Variants in SLC6A18 observed in about 807,000 individuals in gnomAD.
SLC6A18 encodes inactive sodium-dependent neutral amino acid transporter B(0)AT3.
In SLC6A18, 58 loss-of-function variants were observed where a neutral mutation model predicts 62.9. The observed-to-expected ratio is 0.92, with a 90% CI of 0.75 to 1.15. The LOEUF (loss-of-function observed/expected upper bound fraction) is 1.15. Among genes scored for constraint, SLC6A18 ranks in the 50% most tolerant of loss-of-function variants. SLC6A18 has a pLI of 0.00. For synonymous variants in SLC6A18, 382 were observed against 365.8 expected (o/e 1.04, Z -0.51); for missense variants, 793 against 836.6 (o/e 0.95, Z 0.64).
In SLC6A18 at chr5:1,243,664, G is replaced by T; in HGVS notation, c.1241G>T (p.Gly414Val). 1 of 1,614,088 alleles carries T rather than the reference G, an allele frequency of 6.2e-7. No homozygotes were observed. Among genetic ancestry groups the T allele is most frequent in the Non-Finnish European group, 8.5e-7 (1 of 1,179,984 alleles). The change falls in exon 9 of 12, where the codon GGG becomes GTG. Residue 414 changes from glycine (G) to valine (V), a missense_variant. By Grantham distance (109) the Gly-to-Val change is moderately radical. Coordinates refer to ENST00000324642, the MANE Select transcript of SLC6A18 (RefSeq NM_182632.3). This position sits in a 1 kb window ranked among gnomAD's most constrained non-coding sequence, Gnocchi z 6.5. ...TTCTTCGGGATGCTGTTCACCTTGG[G>T]GCTATCGACCATGTTCGGGACCGTG... is the stretch of plus-strand genomic sequence containing the variant. ...MLFFGMLFTLGLSTMFGTVEA... is the reference protein window; with the variant it reads ...MLFFGMLFTLVLSTMFGTVEA...
At chr5:1,238,356 G>C (rs1301944308) in intron 5 of SLC6A18, among the ~76,000 whole-genome samples, 44 of 109,186 alleles carry the variant, frequency 4.0e-4, no homozygotes, top group East Asian at 1.1e-3. Context: ...TCAGGAAAGA[G>C]GTCAGGTTTG....
chr5:1,238,178 G>A (rs1746935023), intron 5 of SLC6A18, 118 bp downstream of exon 5: 1 of 808,648 alleles, frequency 1.2e-6, no homozygotes, highest in Non-Finnish European at 2.1e-6. Context: ...CAGCAGCTGG[G>A]CTGCCTGGTG....
chr5:1,245,343 GCC>G (rs1747191050), intron 11 of SLC6A18, among the ~76,000 whole-genome samples: 3 of 152,144 alleles, frequency 2.0e-5, no homozygotes, highest in Admixed American at 6.6e-5. Context: ...CCCACTGGTG[GCC>G]GCTCAAAACC....
intron 4 of SLC6A18, 85 bp downstream of exon 4, chr5:1,235,747 C>T (rs1746868734): frequency 7.2e-7 from 1 of 1,397,858 alleles, no homozygotes; most frequent in African/African-American, 1.4e-5. Context: ...CGCTTTGTGT[C>T]TACAAGCTCT....
At chr5:1,245,741 C>A in intron 11 of SLC6A18, 107 bp from the exon 12 acceptor site, 8 of 1,226,414 alleles carry the variant, frequency 6.5e-6, no homozygotes, top group Non-Finnish European at 8.9e-6. Flanking sequence ...CATTCCCATC[C>A]AAGTCCGGGT....
rs530959380 is a variant in SLC6A18 at position 1,228,733 on chromosome 5, G to A, written c.160+3096G>A. Among the ~76,000 whole-genome samples, 7 of 152,338 alleles carry A rather than the reference G, an allele frequency of 4.6e-5. No individual in the cohort carries two copies. The South Asian group carries it at 1.0e-3, about 23-fold the overall frequency. On this transcript the variant is annotated intron_variant, in intron 1 of 11. Transcript: ENST00000324642. ...TAAAAAATATAAAAATTAGCCGGGC[G>A]TGCTGGCGTCTACTTGTAGCCCTGG...
At chr5:1,245,806 C>A (rs915959401) in intron 11 of SLC6A18, 42 bp from the exon 12 acceptor site, 104 of 1,566,192 alleles carry the variant, frequency 6.6e-5, no homozygotes, top group Non-Finnish European at 8.9e-5. Context: ...GCCTCACGGC[C>A]CAGGGTGGCC....
Position 1,235,576 on chromosome 5 carries a change from A to G in SLC6A18, c.535A>G (p.Ile179Val), listed in dbSNP as rs774918780. 5.6e-6 allele frequency: 9 copies of G among 1,614,050 alleles called. No homozygotes were observed. The East Asian group carries it at 2.0e-4, about 36-fold the overall frequency. ...ITADINDSGSIQWWLLICLAA... is the reference protein window; with the variant it reads ...ITADINDSGSVQWWLLICLAA... ...AGCCGACATCAATGACAGTGGCTCC[A>G]TCCAGTGGTGGCTGCTCATCTGCTT... Residue 179 changes from isoleucine to valine, a missense_variant, in exon 4 of 12, where the codon ATC becomes GTC. Physicochemically the swap from Ile to Val is conservative, Grantham distance 29. Coordinates refer to ENST00000324642, the MANE Select transcript of SLC6A18 (RefSeq NM_182632.3).
chr5:1,225,617 T>A lies in SLC6A18; in HGVS notation c.140T>A (p.Leu47Gln). The A allele has an allele frequency of 1.9e-6, 3 of 1,597,382 alleles. No homozygotes were observed. The highest frequency in any genetic ancestry group is 2.6e-6 in the Non-Finnish European group (3 of 1,171,536). Residue 47 changes from leucine (L) to glutamine (Q), a missense_variant, in exon 1 of 12, where the codon CTG becomes CAG. Coordinates refer to ENST00000324642, the MANE Select transcript of SLC6A18 (RefSeq NM_182632.3). ...GGGAACATTTGGCGGTTCCCATACC[T>A]GTGCCAGACCTATGGAGGAGGTAAG... ...GLGNIWRFPY[L>Q]CQTYGGGAFL...
intron 1 of SLC6A18, among the ~76,000 whole-genome samples, chr5:1,226,601 C>A (rs942967921): frequency 6.6e-6 from 1 of 152,140 alleles, no homozygotes; most frequent in Non-Finnish European, 1.5e-5. Flanking sequence ...GCAGGAAATG[C>A]GCACAAATGG....
At position 1,242,648 on chromosome 5, in the gene SLC6A18, T is replaced by A. The variant is rs569344275; in HGVS notation, c.975-59T>A. On this transcript the variant is annotated intron_variant, in intron 7 of 11. Coordinates refer to ENST00000324642, the MANE Select transcript of SLC6A18 (RefSeq NM_182632.3). ...GTGCTTCGCAGCACCAACCAAGGGTTTCTCTGGATGTGTTTGGGAACCAGG... is the reference window on the plus strand; with the variant it reads ...GTGCTTCGCAGCACCAACCAAGGGTATCTCTGGATGTGTTTGGGAACCAGG... The A allele has an allele frequency of 2.6e-4, 408 of 1,545,142 alleles. 1 individual carries two copies. In the South Asian group the frequency reaches 4.7e-3, roughly 18 times the overall value.
In SLC6A18 at chr5:1,243,520, G is replaced by A. The variant is rs1263668818; in HGVS notation, c.1132-35G>A. 6.2e-7 allele frequency: 1 copy of A among 1,605,924 alleles called. No homozygotes were observed. Among genetic ancestry groups the A allele is most frequent in the Non-Finnish European group, 8.5e-7 (1 of 1,177,090 alleles). ...TGTGTGTGTGGTGGAGTGTGTGTGT[G>A]CGTGGCCTGAAGCCCGGGGCTCCGT... On this transcript the variant is annotated intron_variant, in intron 8 of 11. Coordinates refer to ENST00000324642, the MANE Select transcript of SLC6A18 (RefSeq NM_182632.3). The surrounding 1 kb of genome is among the most constrained non-coding windows in gnomAD (Gnocchi z 6.5).
At chr5:1,244,185 C>T (rs1340560459) in intron 9 of SLC6A18, 29 bp from the exon 10 acceptor site, 4 of 572,748 alleles carry the variant, frequency 7.0e-6, no homozygotes, top group East Asian at 4.3e-5. Flanking sequence ...CATCCCCTTA[C>T]CCCCCACACC....
At chr5:1,231,012 C>T (rs1301735715) in intron 1 of SLC6A18, among the ~76,000 whole-genome samples, 2 of 152,172 alleles carry the variant, frequency 1.3e-5, no homozygotes, top group African/African-American at 2.4e-5. Context: ...CGTAGTGATG[C>T]CCATGGAACC....
At chr5:1,235,300 C>T (rs1294562094) in intron 3 of SLC6A18, among the ~76,000 whole-genome samples, 181 bp from the exon 4 acceptor site, 2 of 152,212 alleles carry the variant, frequency 1.3e-5, no homozygotes, top group Non-Finnish European at 2.9e-5. Flanking sequence ...TTCACTCAGC[C>T]TGTTCATTTT....
rs780447436 is a variant in SLC6A18 at position 1,225,460 on chromosome 5, C to T, written c.-18C>T. The T allele has an allele frequency of 3.1e-6, 5 of 1,606,136 alleles. No individual in the cohort carries two copies. In the African/African-American group the frequency reaches 5.4e-5, roughly 17 times the overall value. On this transcript the variant is annotated 5_prime_UTR_variant, in exon 1 of 12. Coordinates refer to ENST00000324642, the MANE Select transcript of SLC6A18 (RefSeq NM_182632.3). Reference sequence around the variant, plus strand: ...TGAGGCACCACCCTTGCCCTGAAGCCTGGGGCACTCAGTCACCATGGCTCA... The same window carrying T: ...TGAGGCACCACCCTTGCCCTGAAGCTTGGGGCACTCAGTCACCATGGCTCA...
intron 3 of SLC6A18, among the ~76,000 whole-genome samples, chr5:1,233,215 C>T (rs775470952): frequency 5.9e-5 from 9 of 152,334 alleles, no homozygotes; most frequent in Non-Finnish European, 1.2e-4. Context: ...CCGTGGCTCA[C>T]GCTTGTCAAC....
chr5:1,245,925 C>G lies in SLC6A18; in HGVS notation c.1734C>G (p.Pro578=), dbSNP rs750730505. 2 of 1,605,764 alleles carry G rather than the reference C, an allele frequency of 1.2e-6. No individual in the cohort carries two copies. Among genetic ancestry groups the G allele is most frequent in the South Asian group, 1.1e-5 (1 of 90,936 alleles). ...RAACVLLSLL[P]VLWVPVAALA... is the part of the protein sequence containing the mutation. ...CCTGTGTGCTGCTGTCCTTGCTGCC[C>G]GTGCTGTGGGTCCCGGTGGCCGCGC... Residue 578 remains proline, a synonymous_variant, in exon 12 of 12, where the codon CCC becomes CCG. Transcript: ENST00000324642.
chr5:1,229,913 A>G, intron 1 of SLC6A18, among the ~76,000 whole-genome samples: 2 of 127,486 alleles, frequency 1.6e-5, no homozygotes, highest in African/African-American at 3.1e-5. Flanking sequence ...AGGGAAGGGA[A>G]GAAGGGCTCT....
Sources: allele counts gnomAD v4.1 joint callset (sites outside exome capture counted in the v4.1 genomes callset), GRCh38; gene constraint gnomAD v4.1.1; non-coding constraint Gnocchi (gnomAD v3.1); transcripts MANE v1.5; gene names NCBI Gene and HGNC (gene_info 2026-07-23, HGNC 2026-07-21).